The following PLAG1 variants were observed in gnomAD, a reference collection of about 807,000 sequenced individuals.
The protein encoded by PLAG1 is PLAG1 zinc finger, also known as zinc finger protein PLAG1.
PLAG1 carries 7 observed loss-of-function variants against 35.5 expected under a neutral mutation model. The ratio of observed to expected loss-of-function variants is 0.20; its 90% CI spans 0.11 to 0.37. The LOEUF is 0.37. PLAG1 is among the 10% of genes least tolerant of loss of function. The pLI is 1.00. For synonymous variants in PLAG1, 229 were observed against 225.4 expected, an observed-to-expected ratio of 1.02 and a Z score of -0.14; for missense variants, 454 against 602.8, an observed-to-expected ratio of 0.75 and a Z score of 2.58.
chr8:56,161,526 A>G lies in PLAG1; in HGVS notation c.*4717T>C, dbSNP rs1811199851. On this transcript the variant is annotated 3_prime_UTR_variant, in exon 5 of 5. Coordinates refer to ENST00000316981, the MANE Select transcript of PLAG1 (RefSeq NM_002655.3). ...TGTTCTTCACTCCACACCCTATTAT[A>G]AAGCCCACTTTCCATTCTGAGTTAC... 3 of 228,110 alleles carry G rather than the reference A, an allele frequency of 1.3e-5. 1 individual carries two copies. Among genetic ancestry groups the G allele is most frequent in the Middle Eastern group, 2.7e-3 (2 of 738 alleles). 14.1% of individuals were successfully genotyped at this position (228,110 alleles called of 1,614,324 possible).
chr8:56,166,434 CCACTGATAGAGGATT>C lies in PLAG1; in HGVS notation c.1297_1311del (p.Asn433_Val437del), dbSNP rs1321387893. The C allele has an allele frequency of 2.5e-6, 4 of 1,612,812 alleles. No individual in the cohort carries two copies. The highest frequency in any genetic ancestry group is 3.4e-6 in the Non-Finnish European group (4 of 1,179,514). On this transcript the variant is annotated inframe_deletion, in exon 5 of 5. Coordinates refer to ENST00000316981, the MANE Select transcript of PLAG1 (RefSeq NM_002655.3). ...TGGGAATAGCTCATTCCAAGGCTCC[CCACTGATAGAGGATT>C]ATAGGGAGGACCATTTAAAGGTATG...
At chr8:56,169,180 G>A (rs749733371) in intron 3 of PLAG1, among the ~76,000 whole-genome samples, 1 of 152,146 alleles carries the variant, frequency 6.6e-6, no homozygotes, top group Non-Finnish European at 1.5e-5. Context: ...GTAGGTAAAC[G>A]AGTCAGCAGG....
intron 2 of PLAG1, among the ~76,000 whole-genome samples, chr8:56,175,576 T>C (rs1349026377): frequency 6.6e-6 from 1 of 152,238 alleles, no homozygotes; most frequent in East Asian, 1.9e-4. Context: ...GATGCCCTTT[T>C]TGAATTACTG....
At chr8:56,200,279 T>A (rs573357656) in intron 1 of PLAG1, among the ~76,000 whole-genome samples, 2 of 152,180 alleles carry the variant, frequency 1.3e-5, no homozygotes, top group Non-Finnish European at 2.9e-5. Flanking sequence ...ATTAAACCCA[T>A]GACGGAAGTT....
intron 1 of PLAG1, among the ~76,000 whole-genome samples, chr8:56,191,005 C>T (rs111978402): frequency 6.6e-6 from 1 of 152,066 alleles, no homozygotes; most frequent in South Asian, 2.1e-4. Context: ...CGTGGGAGCC[C>T]GGCGCTACGG....
chr8:56,170,551 T>C (rs139420655), intron 3 of PLAG1, among the ~76,000 whole-genome samples: 5 of 152,340 alleles, frequency 3.3e-5, no homozygotes, highest in African/African-American at 9.6e-5. Context: ...GGGAAACAAA[T>C]TGAACATTTC....
intron 1 of PLAG1, among the ~76,000 whole-genome samples, chr8:56,182,196 T>G (rs989638476): frequency 6.6e-6 from 1 of 152,134 alleles, no homozygotes; most frequent in African/African-American, 2.4e-5. Flanking sequence ...AAGTGCTTGT[T>G]TGAATGAGAC....
At chr8:56,171,852 G>A (rs1307239513) in intron 2 of PLAG1, among the ~76,000 whole-genome samples, 1 of 152,148 alleles carries the variant, frequency 6.6e-6, no homozygotes, top group Non-Finnish European at 1.5e-5. Flanking sequence ...TGGTTTAAGA[G>A]GTCATTGTTG....
At chr8:56,195,667 G>T (rs1812339762) in intron 1 of PLAG1, among the ~76,000 whole-genome samples, 1 of 152,202 alleles carries the variant, frequency 6.6e-6, no homozygotes, top group South Asian at 2.1e-4. Context: ...CCAGCAGCTG[G>T]AGAGATCACC....
chr8:56,198,745 A>G (rs1252543684), intron 1 of PLAG1, among the ~76,000 whole-genome samples: 1 of 152,034 alleles, frequency 6.6e-6, no homozygotes, highest in African/African-American at 2.4e-5. Flanking sequence ...TCCCCTGATC[A>G]CTGTCTCTTA....
intron 1 of PLAG1, among the ~76,000 whole-genome samples, chr8:56,194,554 G>A (rs2129232124): frequency 6.6e-6 from 1 of 152,170 alleles, no homozygotes; most frequent in East Asian, 1.9e-4. Flanking sequence ...AACCGGAAGA[G>A]CATCTGCTGG....
intron 1 of PLAG1, among the ~76,000 whole-genome samples, chr8:56,181,784 A>G (rs1166555589): frequency 6.6e-6 from 1 of 152,260 alleles, no homozygotes; most frequent in African/African-American, 2.4e-5. Flanking sequence ...AAGATCTGCC[A>G]TAACGTGGTA....
chr8:56,178,071 TG>T, intron 2 of PLAG1: 1 of 805,958 alleles, frequency 1.2e-6, no homozygotes, highest in Non-Finnish European at 1.5e-6. Context: ...CTTAAGCACA[TG>T]GAACTACAGG....
chr8:56,165,027 T>C lies in PLAG1; in HGVS notation c.*1216A>G, dbSNP rs895895224. 4.8e-6 allele frequency: 1 copy of C among 206,876 alleles called. No individual in the cohort carries two copies. Among genetic ancestry groups the C allele is most frequent in the African/African-American group, 2.3e-5 (1 of 43,888 alleles). The allele number at this position is 206,876 out of a possible 1,614,324, so 12.8% of individuals were successfully genotyped here. A position where few individuals can be genotyped will look rare whatever the true frequency, so the allele number is the denominator to read the frequency against. On this transcript the variant is annotated 3_prime_UTR_variant, in exon 5 of 5. Coordinates refer to ENST00000316981, the MANE Select transcript of PLAG1 (RefSeq NM_002655.3). Reference sequence around the variant, plus strand: ...TATTGCAAGGAAAGATGGATTCACATTGAATCAGAAAGATAACATCGGAGT... The same window carrying C: ...TATTGCAAGGAAAGATGGATTCACACTGAATCAGAAAGATAACATCGGAGT...
intron 1 of PLAG1, among the ~76,000 whole-genome samples, chr8:56,189,969 G>GT (rs1407990242): frequency 6.6e-6 from 1 of 152,190 alleles, no homozygotes; most frequent in Non-Finnish European, 1.5e-5. Context: ...TTTAACAAGT[G>GT]TAACTGGAGA....
rs775424571 is a variant in PLAG1 at position 56,167,485 on chromosome 8, A to G, written c.261T>C (p.Ser87=). 5.6e-6 allele frequency: 9 copies of G among 1,608,752 alleles called. No homozygotes were observed. ...AATTACACTTGTGGGTTTTCTCAGG[A>G]GAATGAGTAGCCATGTGCCTTTAAA... ...YKLQRHMATH[S]PEKTHKCNYC... The change falls in exon 5 of 5, where the codon TCT becomes TCC. Residue 87 remains serine (S), a synonymous_variant. Transcript: ENST00000316981. This position sits in a 1 kb window ranked among gnomAD's most constrained non-coding sequence, Gnocchi z 5.9.
chr8:56,183,015 T>A (rs1200482757), intron 1 of PLAG1, among the ~76,000 whole-genome samples: 1 of 152,144 alleles, frequency 6.6e-6, no homozygotes, highest in African/African-American at 2.4e-5. Flanking sequence ...AAGGGTCCTA[T>A]GTCTGGGAAG....
At chr8:56,175,103 A>T (rs1253017112) in intron 2 of PLAG1, among the ~76,000 whole-genome samples, 1 of 152,210 alleles carries the variant, frequency 6.6e-6, no homozygotes, top group African/African-American at 2.4e-5. Flanking sequence ...AGCTAATAGA[A>T]CAGTATTTTT....
chr8:56,201,994 C>A (rs1812569537), intron 1 of PLAG1, among the ~76,000 whole-genome samples: 1 of 147,694 alleles, frequency 6.8e-6, no homozygotes. Flanking sequence ...TAGGAAAAAC[C>A]TTTAACTAAA....
Sources: gnomAD v4.1 joint callset for allele counts (sites outside exome capture counted in the v4.1 genomes callset) on GRCh38, gnomAD v4.1.1 for gene constraint, Gnocchi (gnomAD v3.1) non-coding constraint, MANE v1.5 for transcripts, NCBI Gene and HGNC (gene_info 2026-07-23, HGNC 2026-07-21) for gene names.